The following RAB33A variants were observed in gnomAD, a reference collection of about 807,000 sequenced individuals.
RAB33A encodes the protein ras-related protein Rab-33A.
In RAB33A, 6 loss-of-function variants were observed where a neutral mutation model predicts 12.0. That is an observed-to-expected ratio of 0.50 (90% CI 0.27 to 0.99). The LOEUF is 0.99. Among genes scored for constraint, RAB33A ranks in the 50% least tolerant of loss-of-function variants. RAB33A has a pLI of 0.11. For missense variants in RAB33A, 109 were observed against 192.0 expected (o/e 0.57, Z 2.55); for synonymous variants, 70 against 82.4 (o/e 0.85, Z 0.81).
At chrX:130,156,015 A>G in the RAB33A span, among the ~76,000 whole-genome samples, 1 of 112,079 alleles carries the variant, frequency 8.9e-6, no homozygotes, top group Admixed American at 9.5e-5. Flanking sequence ...AGGAACACTT[A>G]ATATTTTTGA....
chrX:130,132,384 C>T, the RAB33A span, among the ~76,000 whole-genome samples: 2 of 112,354 alleles, frequency 1.8e-5, no homozygotes, highest in Non-Finnish European at 1.9e-5. Flanking sequence ...TTATCCCATG[C>T]CACATTTGGA....
intron 1 of RAB33A, among the ~76,000 whole-genome samples, chrX:130,180,647 G>A (rs1391802042): frequency 2.9e-5 from 3 of 104,906 alleles, no homozygotes; most frequent in African/African-American, 6.9e-5. Context: ...TGGTAGAGAC[G>A]GGGTTTAACT....
At chrX:130,148,122 G>A in the RAB33A span, among the ~76,000 whole-genome samples, 1 of 112,216 alleles carries the variant, frequency 8.9e-6, no homozygotes, top group Non-Finnish European at 1.9e-5. Context: ...CATCAGGTCT[G>A]AACTGGTACT....
At chrX:130,116,503 A>T in the RAB33A span, among the ~76,000 whole-genome samples, 305 of 111,453 alleles carry the variant, frequency 2.7e-3, no homozygotes, top group Non-Finnish European at 3.6e-3. Flanking sequence ...TGTGTTGGCC[A>T]GGCTGGTATC....
chrX:130,175,685 T>TG (rs2031658190), intron 1 of RAB33A, among the ~76,000 whole-genome samples: 1 of 109,777 alleles, frequency 9.1e-6, no homozygotes, highest in Non-Finnish European at 1.9e-5. Context: ...TTAGTAGAGA[T>TG]GGGGTTTCAC....
upstream of RAB33A, among the ~76,000 whole-genome samples, chrX:130,169,368 A>C (rs1312228549): frequency 1.8e-5 from 2 of 111,474 alleles, no homozygotes; most frequent in Non-Finnish European, 3.8e-5. Context: ...GGCAAAAGAG[A>C]CTGGAAAACA....
chrX:130,128,088 C>T, the RAB33A span, among the ~76,000 whole-genome samples: 2 of 111,474 alleles, frequency 1.8e-5, no homozygotes, highest in Admixed American at 1.9e-4. Flanking sequence ...TATACCTGTA[C>T]TGCAAATTCT....
At chrX:130,174,996 C>CAAT (rs112030850) in intron 1 of RAB33A, among the ~76,000 whole-genome samples, 125 of 110,321 alleles carry the variant, frequency 1.1e-3, no homozygotes, top group African/African-American at 3.8e-3. Flanking sequence ...AATGAGTAGG[C>CAAT]AATAATAATA....
upstream of RAB33A, among the ~76,000 whole-genome samples, chrX:130,169,462 G>A (rs1322126927): frequency 9.0e-6 from 1 of 111,413 alleles, no homozygotes; most frequent in African/African-American, 3.3e-5. Context: ...TTAACACAAA[G>A]GGCATTGTAC....
At chrX:130,130,233 G>C in the RAB33A span, 1 of 1,140,433 alleles carries the variant, frequency 8.8e-7, no homozygotes, top group Non-Finnish European at 1.2e-6. Context: ...TATGAGCTTG[G>C]GAAATTCTAG....
chrX:130,145,377 C>T, the RAB33A span: 1 of 654,042 alleles, frequency 1.5e-6, no homozygotes, highest in Admixed American at 2.3e-5. Context: ...TGATGAACTA[C>T]AATGGCAGGA....
the RAB33A span, among the ~76,000 whole-genome samples, chrX:130,148,151 T>C: frequency 8.9e-6 from 1 of 112,226 alleles, no homozygotes; most frequent in African/African-American, 3.2e-5. Flanking sequence ...GCTTAAATAT[T>C]TAGTTACTTC....
the RAB33A span, chrX:130,147,768 C>T: frequency 5.8e-6 from 7 of 1,210,555 alleles, no homozygotes; most frequent in East Asian, 3.0e-5. Flanking sequence ...CCCAGGATCC[C>T]GAGCCCGGAT....
In RAB33A at chrX:130,172,051, G is replaced by T. The variant is rs1215932721; in HGVS notation, c.-12G>T. The T allele has an allele frequency of 8.3e-7, 1 of 1,198,683 alleles. No individual in the cohort carries two copies. The highest frequency in any genetic ancestry group is 1.1e-6 in the Non-Finnish European group (1 of 889,716). The stretch of plus-strand genomic sequence containing the variant: ...TCAAGGGGGGTTGGGGCCCCGGTTC[G>T]GTCCGGGGGAGATGGCGCAGCCCAT... On this transcript the variant is annotated 5_prime_UTR_variant, in exon 1 of 2. Coordinates refer to ENST00000257017, the MANE Select transcript of RAB33A (RefSeq NM_004794.3).
the RAB33A span, among the ~76,000 whole-genome samples, chrX:130,131,474 T>C: frequency 4.4e-5 from 5 of 112,368 alleles, no homozygotes; most frequent in African/African-American, 1.6e-4. Context: ...TTTGAATCTA[T>C]GCTTTGACCA....
the RAB33A span, among the ~76,000 whole-genome samples, chrX:130,115,289 C>T: frequency 1.8e-5 from 2 of 111,154 alleles, no homozygotes; most frequent in Non-Finnish European, 3.8e-5. Context: ...TGCCAGAGCC[C>T]GAACATACCA....
At chrX:130,145,239 G>A in the RAB33A span, among the ~76,000 whole-genome samples, 1 of 112,191 alleles carries the variant, frequency 8.9e-6, no homozygotes, top group Non-Finnish European at 1.9e-5. Flanking sequence ...GGGCAGAAGA[G>A]CAAATAGGAG....
chrX:130,147,386 C>CA, the RAB33A span: 1 of 1,016,932 alleles, frequency 9.8e-7, no homozygotes, highest in Non-Finnish European at 1.4e-6. Context: ...CTCTAGTGGA[C>CA]AGCCAAGCCA....
chrX:130,156,410 T>C, the RAB33A span: 2 of 1,202,949 alleles, frequency 1.7e-6, no homozygotes, highest in East Asian at 3.0e-5. Flanking sequence ...ATCGAGTCTA[T>C]TAATGGGAGC....
Sources: allele counts gnomAD v4.1 joint callset (sites outside exome capture counted in the v4.1 genomes callset), GRCh38; gene constraint gnomAD v4.1.1; transcripts MANE v1.5; gene names NCBI Gene and HGNC (gene_info 2026-07-23, HGNC 2026-07-21).